The following CEP295 variants were observed in gnomAD, a reference collection of about 807,000 sequenced individuals.
The protein encoded by CEP295 is centrosomal protein of 295 kDa.
Under a neutral mutation model 291.6 loss-of-function variants are expected in CEP295, and 190 were observed. The observed-to-expected ratio is 0.65, with a 90% CI of 0.58 to 0.73. The LOEUF (loss-of-function observed/expected upper bound fraction) is 0.73, where lower values mean the gene tolerates loss of function less well. Ranked by LOEUF, CEP295 falls within the 30% of genes least tolerant of loss-of-function variation. The pLI, the probability that CEP295 is intolerant of heterozygous loss-of-function variation, is 0.00. For synonymous variants in CEP295, 993 were observed against 1,038.8 expected (o/e 0.96, Z 0.85); for missense variants, 2,863 against 2,949.4 (o/e 0.97, Z 0.68).
intron 17 of CEP295, among the ~76,000 whole-genome samples, chr11:93,706,231 C>T (rs981853573): frequency 2.6e-5 from 4 of 152,114 alleles, no homozygotes; most frequent in Non-Finnish European, 4.4e-5. Flanking sequence ...TAGTGCCTAG[C>T]GCCCTTAATT....
chr11:93,730,314 C>T lies in CEP295; in HGVS notation c.*45C>T. 7.8e-7 allele frequency: 1 copy of T among 1,283,952 alleles called. No homozygotes were observed. Among genetic ancestry groups the T allele is most frequent in the Non-Finnish European group, 1.1e-6 (1 of 909,886 alleles). The allele number at this position is 1,283,952 out of a possible 1,614,324, so 79.5% of individuals were successfully genotyped here. ...AGGTTTTTTAATTGTGTATATGTAG[C>T]ATTAGACAAAATTATTTAAAGTCAA... On this transcript the variant is annotated 3_prime_UTR_variant, in exon 30 of 30. Transcript: ENST00000325212.
chr11:93,725,255 AAAAAGG>A (rs1448328350), intron 22 of CEP295, among the ~76,000 whole-genome samples: 2 of 152,188 alleles, frequency 1.3e-5, no homozygotes, highest in Non-Finnish European at 2.9e-5. Context: ...TCAAAAAAAA[AAAAAGG>A]AAAACAGCTA....
At chr11:93,721,271 A>G (rs916218247) in intron 18 of CEP295, 41 bp from the exon 19 acceptor site, 4 of 1,131,052 alleles carry the variant, frequency 3.5e-6, no homozygotes, top group South Asian at 2.6e-5. Flanking sequence ...TATCCCAACT[A>G]TATTTTTCTC....
Position 93,727,240 on chromosome 11 carries a change from A to G in CEP295, c.6764A>G (p.His2255Arg), listed in dbSNP as rs1954217606. The part of the protein sequence containing the change: ...ANVFDQLNVQ[H>R]STPCGSNSSE... ...GTATTTGATCAGTTAAATGTACAGC[A>G]TAGCACTCCATGTGGTTCTAACTCT... Residue 2255 changes from histidine to arginine, a missense_variant, in exon 24 of 30, where the codon CAT becomes CGT. By Grantham distance (29) the His-to-Arg change is conservative. Coordinates refer to ENST00000325212, the MANE Select transcript of CEP295 (RefSeq NM_033395.2). 2 of 1,551,666 alleles carry G rather than the reference A, an allele frequency of 1.3e-6. No homozygotes were observed. Among genetic ancestry groups the G allele is most frequent in the Non-Finnish European group, 1.7e-6 (2 of 1,146,986 alleles).
In CEP295 at chr11:93,728,608, T is replaced by C. The variant is rs553149424; in HGVS notation, c.7162-73T>C. ...ATATACACTTGCAAAAAATGTGCAT[T>C]ATATACAAAACGATTAGTTTAAGTC... is the stretch of plus-strand genomic sequence containing the variant. On this transcript the variant is annotated intron_variant, in intron 24 of 29. Coordinates refer to ENST00000325212, the MANE Select transcript of CEP295 (RefSeq NM_033395.2). The C allele has an allele frequency of 1.3e-4, 177 of 1,354,784 alleles. 1 individual carries two copies. Among genetic ancestry groups the C allele is most frequent in the Non-Finnish European group, 1.6e-4 (165 of 1,030,032 alleles). The allele number at this position is 1,354,784 out of a possible 1,614,324, so 83.9% of individuals were successfully genotyped here. A position where few individuals can be genotyped will look rare whatever the true frequency, so the allele number is the denominator to read the frequency against.
intron 1 of CEP295, among the ~76,000 whole-genome samples, chr11:93,666,294 G>C (rs968159239): frequency 6.6e-6 from 1 of 152,038 alleles, no homozygotes; most frequent in African/African-American, 2.4e-5. Context: ...GTATTAACAC[G>C]AATTTTAAAA....
intron 18 of CEP295, among the ~76,000 whole-genome samples, chr11:93,716,125 A>C (rs1196669180): frequency 6.6e-6 from 1 of 152,166 alleles, no homozygotes; most frequent in Admixed American, 6.5e-5. Context: ...ACTCCAGAGC[A>C]CTAAATTTAG....
Position 93,668,808 on chromosome 11 carries a change from G to T in CEP295, c.310G>T (p.Glu104Ter). ...CATTTTAAGTAATATATATTTTTAG[G>T]AACCTGATTTGGATGCTTTGGCACA... ...GEGHRQAKENEPDLDALAQRA... is the reference protein window; with the variant it reads ...GEGHRQAKEN Residue 104 changes from glutamate to a stop codon, truncating the protein, a stop_gained and splice_region_variant, in exon 4 of 30, where the codon GAA becomes TAA. Coordinates refer to ENST00000325212, the MANE Select transcript of CEP295 (RefSeq NM_033395.2). LOFTEE classifies it high-confidence loss of function. The T allele has an allele frequency of 1.3e-6, 2 of 1,511,536 alleles. No homozygotes were observed. Among genetic ancestry groups the T allele is most frequent in the South Asian group, 1.3e-5 (1 of 76,676 alleles). 93.6% of individuals were successfully genotyped at this position (1,511,536 alleles called of 1,614,324 possible).
Position 93,698,021 on chromosome 11 carries a change from C to A in CEP295, c.3109C>A (p.Pro1037Thr), listed in dbSNP as rs896300452. The part of the protein sequence containing the change: ...KGLVSCQSDI[P>T]ISQDGSLSFL... Reference sequence around the variant, plus strand: ...ACTTGTTTCATGCCAATCTGACATCCCCATATCTCAGGATGGGTCTTTGAG... The same window carrying A: ...ACTTGTTTCATGCCAATCTGACATCACCATATCTCAGGATGGGTCTTTGAG... Residue 1037 changes from proline (P) to threonine (T), a missense_variant, in exon 15 of 30, where the codon CCC (proline) becomes ACC (threonine). By Grantham distance (38) the Pro-to-Thr change is conservative. Coordinates refer to ENST00000325212, the MANE Select transcript of CEP295 (RefSeq NM_033395.2). 2.4e-5 allele frequency: 38 copies of A among 1,551,628 alleles called. No homozygotes were observed. In the Admixed American group the frequency reaches 6.9e-4, roughly 28 times the overall value.
rs1470929954 is a variant in CEP295, at chr11:93,702,489, A to G, written c.5304A>G (p.Leu1768=). The G allele has an allele frequency of 3.2e-6, 5 of 1,539,342 alleles. No homozygotes were observed. The South Asian group carries it at 6.2e-5, about 19-fold the overall frequency. ...GTAAGCCCACAGTTGAAAATGATTT[A>G]AAAACCCAGAAGATGGGGCAGCTCA... The part of the protein sequence containing the change: ...QISKPTVEND[L]KTQKMGQLRD... The change falls in exon 16 of 30, where the codon TTA becomes TTG. Residue 1768 remains leucine (L), a synonymous_variant. Transcript: ENST00000325212.
chr11:93,674,770 A>G (rs1020767758), intron 5 of CEP295, among the ~76,000 whole-genome samples: 2 of 152,194 alleles, frequency 1.3e-5, no homozygotes, highest in African/African-American at 4.8e-5. Context: ...ATTATCTGTA[A>G]AATGCATGGT....
At chr11:93,682,420 C>T (rs561664100) in intron 7 of CEP295, among the ~76,000 whole-genome samples, 169 of 152,178 alleles carry the variant, frequency 1.1e-3, no homozygotes, top group Non-Finnish European at 1.8e-3. Context: ...GACGGGATTT[C>T]GCCATATTGG....
chr11:93,728,541 G>C, intron 24 of CEP295, 140 bp from the exon 25 acceptor site: 1 of 596,314 alleles, frequency 1.7e-6, no homozygotes, highest in East Asian at 3.2e-5. Flanking sequence ...TGATCTGTTG[G>C]TCTTTGCCAA....
chr11:93,674,715 C>T (rs1950610357), intron 5 of CEP295, among the ~76,000 whole-genome samples: 1 of 152,302 alleles, frequency 6.6e-6, no homozygotes, highest in South Asian at 2.1e-4. Flanking sequence ...CAGAAGACAT[C>T]CAGCAGAAGT....
chr11:93,662,481 C>T (rs1950035435), intron 1 of CEP295, among the ~76,000 whole-genome samples: 1 of 152,122 alleles, frequency 6.6e-6, no homozygotes, highest in African/African-American at 2.4e-5. Context: ...TTACTATGTA[C>T]CAGGAGCCAT....
Position 93,698,494 on chromosome 11 carries a change from G to A in CEP295, c.3582G>A (p.Glu1194=). The A allele has an allele frequency of 6.4e-7, 1 of 1,551,962 alleles. No homozygotes were observed. ...TTGTACACACAGAAAGTGAATTGGA[G>A]AAAAGAATTTCTTCTGAACAGACTG... The part of the protein sequence containing the change: ...QEFVHTESEL[E]KRISSEQTGT... The change falls in exon 15 of 30, where the codon GAG becomes GAA. Residue 1194 remains glutamate, a synonymous_variant. Transcript: ENST00000325212.
At chr11:93,715,433 C>G (rs1953176838) in intron 18 of CEP295, among the ~76,000 whole-genome samples, 1 of 152,120 alleles carries the variant, frequency 6.6e-6, no homozygotes, top group African/African-American at 2.4e-5. Flanking sequence ...ATCCAAGAGC[C>G]AAGGCCTGGA....
chr11:93,693,569 A>C (rs866102123), intron 12 of CEP295, among the ~76,000 whole-genome samples: 1 of 152,136 alleles, frequency 6.6e-6, no homozygotes, highest in Non-Finnish European at 1.5e-5. Flanking sequence ...CAGCCTGGCC[A>C]ACATGGTGAA....
intron 7 of CEP295, among the ~76,000 whole-genome samples, chr11:93,680,600 G>A (rs556291860): frequency 7.6e-4 from 116 of 152,230 alleles, no homozygotes; most frequent in African/African-American, 2.7e-3. Flanking sequence ...GTCATGAGCC[G>A]AGATTGCACT....
Sources: gnomAD v4.1 joint callset for allele counts (sites outside exome capture counted in the v4.1 genomes callset) on GRCh38, gnomAD v4.1.1 for gene constraint, MANE v1.5 for transcripts, NCBI Gene and HGNC (gene_info 2026-07-23, HGNC 2026-07-21) for gene names.